Variants in QRFPR observed in about 807,000 individuals in gnomAD.
QRFPR encodes the protein pyroglutamylated RFamide peptide receptor.
In QRFPR, 37 loss-of-function variants were observed where a neutral mutation model predicts 31.3. The observed-to-expected ratio is 1.18, with a 90% CI of 0.91 to 1.56. The LOEUF is 1.56. Among genes scored for constraint, QRFPR ranks in the 40% most tolerant of loss-of-function variants. QRFPR has a pLI of 0.00. For synonymous variants in QRFPR, 197 were observed against 192.0 expected (o/e 1.03, Z -0.22); for missense variants, 542 against 532.5 (o/e 1.02, Z -0.18).
At chr4:121,370,285 A>G (rs1194468854) in intron 1 of QRFPR, 8 of 783,510 alleles carry the variant, frequency 1.0e-5, no homozygotes, top group Non-Finnish European at 1.6e-5. Context: ...AAGGGCAGGG[A>G]CATCTTGCCT....
chr4:121,343,960 T>C (rs1725596629), intron 1 of QRFPR, among the ~76,000 whole-genome samples: 1 of 152,180 alleles, frequency 6.6e-6, no homozygotes, highest in Non-Finnish European at 1.5e-5. Flanking sequence ...ATTTCATTAT[T>C]TGAAAAAAGG....
At chr4:121,374,422 G>A (rs1726313307) in intron 1 of QRFPR, among the ~76,000 whole-genome samples, 2 of 152,218 alleles carry the variant, frequency 1.3e-5, no homozygotes, top group South Asian at 4.1e-4. Flanking sequence ...ATATCAGCCT[G>A]AGTCCTGGAG....
At chr4:121,330,355 C>G in intron 5 of QRFPR, 71 bp downstream of exon 5, 1 of 1,064,616 alleles carries the variant, frequency 9.4e-7, no homozygotes, top group Non-Finnish European at 1.4e-6. Context: ...CGACACATTT[C>G]AAAGATTCAT....
chr4:121,375,016 T>A (rs1726324239), intron 1 of QRFPR, among the ~76,000 whole-genome samples: 1 of 152,040 alleles, frequency 6.6e-6, no homozygotes, highest in Non-Finnish European at 1.5e-5. Flanking sequence ...AGGATGAAAG[T>A]GGATACAGAA....
In QRFPR at chr4:121,380,385, G is replaced by T. The variant is rs769332238; in HGVS notation, c.263C>A (p.Ala88Glu). The change falls in exon 1 of 6, where the codon GCG becomes GAG. Residue 88 changes from alanine to glutamate, a missense_variant. Physicochemically the swap from Ala to Glu is moderately radical, Grantham distance 107. Transcript: ENST00000394427. ...GAAGGTGATGAGCAGGTCACTGAGC[G>T]CCAAGGAGCAGATAAAGATGTTGGT... Reference protein sequence around the residue: ...TVTNIFICSLALSDLLITFFC... With the variant: ...TVTNIFICSLELSDLLITFFC... 1.2e-6 allele frequency: 2 copies of T among 1,614,212 alleles called. No individual in the cohort carries two copies. The highest frequency in any genetic ancestry group is 2.2e-5 in the East Asian group (1 of 44,878).
At chr4:121,376,542 T>C (rs933549941) in intron 1 of QRFPR, among the ~76,000 whole-genome samples, 14 of 129,970 alleles carry the variant, frequency 1.1e-4, no homozygotes, top group African/African-American at 4.4e-4. Context: ...TTTCTGGGTT[T>C]GTTTTTTTTT....
intron 4 of QRFPR, 57 bp downstream of exon 4, chr4:121,332,764 C>A: frequency 1.5e-6 from 2 of 1,364,402 alleles, no homozygotes; most frequent in Non-Finnish European, 2.0e-6. Context: ...GCAACCATCC[C>A]TTCCAGCACA....
chr4:121,341,297 C>T (rs1277986464), intron 1 of QRFPR, among the ~76,000 whole-genome samples: 1 of 152,176 alleles, frequency 6.6e-6, no homozygotes, highest in Non-Finnish European at 1.5e-5. Flanking sequence ...TGGTCTGGCA[C>T]CTCTGGTCTT....
At chr4:121,363,450 C>T (rs1277733539) in intron 1 of QRFPR, among the ~76,000 whole-genome samples, 3 of 150,198 alleles carry the variant, frequency 2.0e-5, no homozygotes, top group African/African-American at 7.4e-5. Context: ...TCATGTGCAT[C>T]ACATGAACCA....
Position 121,363,282 on chromosome 4 carries a change from C to T in QRFPR, c.340+17026G>A, listed in dbSNP as rs761451002. Among the ~76,000 whole-genome samples, 8 of 149,996 alleles carry T rather than the reference C, an allele frequency of 5.3e-5. 1 individual carries two copies. Among genetic ancestry groups the T allele is most frequent in the Non-Finnish European group, 8.9e-5 (6 of 67,582 alleles). On this transcript the variant is annotated intron_variant, in intron 1 of 5. Transcript: ENST00000394427. ...TGGAGGTTGCAGTGAGCAGAGGTCG[C>T]GCCATTGCACTCCAGCCTGGGCAAC...
At position 121,380,425 on chromosome 4, in the gene QRFPR, C is replaced by A; in HGVS notation, c.223G>T (p.Ala75Ser). 1 of 1,614,210 alleles carries A rather than the reference C, an allele frequency of 6.2e-7. No individual in the cohort carries two copies. ...LVFYVVTRSK[A>S]MRTVTNIFIC... ...AAGATGTTGGTGACGGTGCGCATGG[C>A]CTTGCTGCGGGTCACCACGTAGAAC... Residue 75 changes from alanine (A) to serine (S), a missense_variant, in exon 1 of 6, where the codon GCC becomes TCC. Transcript: ENST00000394427.
intron 1 of QRFPR, among the ~76,000 whole-genome samples, chr4:121,352,095 C>A (rs991859585): frequency 6.6e-6 from 1 of 151,930 alleles, no homozygotes; most frequent in Admixed American, 6.6e-5. Context: ...TTCTCTCTGG[C>A]GGTTGGAATA....
At position 121,329,330 on chromosome 4, in the gene QRFPR, A is replaced by G. The variant is rs531413485; in HGVS notation, c.1280T>C (p.Leu427Ser). 2 of 1,612,284 alleles carry G rather than the reference A, an allele frequency of 1.2e-6. No homozygotes were observed. Among genetic ancestry groups the G allele is most frequent in the Admixed American group, 3.3e-5 (2 of 59,824 alleles). ...FRSELAENSP[L>S]DSGH ...TTGTTATAATTAATGCCCACTGTCTAAAGGAGAATTCTCAGCCAGTTCAGA... is the reference window on the plus strand; with the variant it reads ...TTGTTATAATTAATGCCCACTGTCTGAAGGAGAATTCTCAGCCAGTTCAGA... Residue 427 changes from leucine (L) to serine (S), a missense_variant, in exon 6 of 6, where the codon TTA becomes TCA. Physicochemically the swap from Leu to Ser is moderately radical, Grantham distance 145. Coordinates refer to ENST00000394427, the MANE Select transcript of QRFPR (RefSeq NM_198179.3).
intron 1 of QRFPR, among the ~76,000 whole-genome samples, chr4:121,378,554 T>TGGC (rs1726403567): frequency 6.6e-6 from 1 of 151,890 alleles, no homozygotes; most frequent in African/African-American, 2.4e-5. Flanking sequence ...GCTGGGACTA[T>TGGC]AGGTGCGTGC....
intron 1 of QRFPR, among the ~76,000 whole-genome samples, chr4:121,372,606 A>T (rs1726271674): frequency 6.6e-6 from 1 of 152,196 alleles, no homozygotes; most frequent in African/African-American, 2.4e-5. Flanking sequence ...AGCCCCTGGT[A>T]ACATTAGTAC....
chr4:121,339,882 G>A (rs1312034312), intron 2 of QRFPR, among the ~76,000 whole-genome samples: 1 of 152,004 alleles, frequency 6.6e-6, no homozygotes, highest in African/African-American at 2.4e-5. Context: ...TTGAGCTTGG[G>A]AGGCTGAGGC....
At chr4:121,377,678 G>A (rs1187609664) in intron 1 of QRFPR, among the ~76,000 whole-genome samples, 2 of 152,002 alleles carry the variant, frequency 1.3e-5, no homozygotes, top group Admixed American at 6.6e-5. Context: ...ACTCTTCTGT[G>A]CTCGTAGAGC....
intron 1 of QRFPR, among the ~76,000 whole-genome samples, chr4:121,356,157 G>A (rs1279415973): frequency 6.6e-6 from 1 of 152,146 alleles, no homozygotes; most frequent in East Asian, 1.9e-4. Context: ...AAAGTGAGGT[G>A]TTGAAGTACC....
intron 1 of QRFPR, among the ~76,000 whole-genome samples, chr4:121,352,908 C>T (rs376696746): frequency 2.4e-4 from 36 of 152,038 alleles, no homozygotes; most frequent in African/African-American, 8.4e-4. Flanking sequence ...TCATTCTACT[C>T]TATCTCCAAA....
Sources: allele counts gnomAD v4.1 joint callset (sites outside exome capture counted in the v4.1 genomes callset), GRCh38; gene constraint gnomAD v4.1.1; transcripts MANE v1.5; gene names NCBI Gene and HGNC (gene_info 2026-07-23, HGNC 2026-07-21).